COL5A3: variants seen among roughly 807,000 people sequenced by gnomAD.
The protein encoded by COL5A3 is collagen alpha-3(V) chain.
COL5A3 carries 172 observed loss-of-function variants against 250.0 expected under a neutral mutation model. That is an observed-to-expected ratio of 0.69 (90% CI 0.61 to 0.78). The LOEUF is 0.78. Ranked by LOEUF, COL5A3 falls within the 30% of genes least tolerant of loss-of-function variation. The probability of loss-of-function intolerance (pLI) is 0.00; values close to 1 mark genes in which losing one functional copy is unlikely to be tolerated. For missense variants in COL5A3, 2,340 were observed against 2,334.4 expected (o/e 1.00, Z -0.05); for synonymous variants, 937 against 900.4 (o/e 1.04, Z -0.73).
In COL5A3 at chr19:9,992,873, C is replaced by T. The variant is rs146203835; in HGVS notation, c.1802G>A (p.Arg601Gln). 5.6e-6 allele frequency: 9 copies of T among 1,614,104 alleles called. No homozygotes were observed. The highest frequency in any genetic ancestry group is 1.7e-5 in the Admixed American group (1 of 60,018). The change falls in exon 21 of 67, where the codon CGA (arginine) becomes CAA (glutamine). Residue 601 changes from arginine to glutamine, a missense_variant. Coordinates refer to ENST00000264828, the MANE Select transcript of COL5A3 (RefSeq NM_015719.4). The part of the protein sequence containing the change: ...PTGQAGEPGP[R>Q]GLLGPRGSPG... The stretch of plus-strand genomic sequence containing the variant: ...AGAGCCTCTGGGGCCAAGCAGTCCT[C>T]GTGGACCCTGCAAGGGAGCAGGCGA...
chr19:9,995,724 C>G, intron 15 of COL5A3, 107 bp from the exon 16 acceptor site: 1 of 824,020 alleles, frequency 1.2e-6, no homozygotes, highest in Non-Finnish European at 1.9e-6. Flanking sequence ...ATTGCCCAGG[C>G]CAGACACCTG....
chr19:9,970,426 G>GGA (rs1568407855), intron 54 of COL5A3, among the ~76,000 whole-genome samples, 196 bp downstream of exon 54: 11 of 65,362 alleles, frequency 1.7e-4, no homozygotes, highest in South Asian at 5.8e-4. Context: ...GGGGCTGTAA[G>GGA]GTGAGTGGGG....
At chr19:9,967,855 G>T (rs759625366) in intron 61 of COL5A3, 49 bp downstream of exon 61, 4 of 1,579,120 alleles carry the variant, frequency 2.5e-6, no homozygotes, top group Middle Eastern at 1.8e-4. Context: ...TGCAGTGAAG[G>T]GGGTGGGGAG....
chr19:9,983,668 A>G (rs1053456559), intron 31 of COL5A3, among the ~76,000 whole-genome samples: 2 of 145,684 alleles, frequency 1.4e-5, no homozygotes, highest in African/African-American at 5.2e-5. Context: ...AGAAAGAAAG[A>G]AAGAAAAAAG....
chr19:9,969,450 A>T (rs1359211289), intron 56 of COL5A3, 48 bp from the exon 57 acceptor site: 6 of 1,595,950 alleles, frequency 3.8e-6, no homozygotes, highest in Non-Finnish European at 5.1e-6. Flanking sequence ...GTCAGAACAC[A>T]GTGTGGACCC....
At position 9,986,558 on chromosome 19, in the gene COL5A3, C is replaced by G. The variant is rs2087103157; in HGVS notation, c.2239G>C (p.Asp747His). The G allele has an allele frequency of 6.2e-7, 1 of 1,613,918 alleles. No homozygotes were observed. Among genetic ancestry groups the G allele is most frequent in the African/African-American group, 1.3e-5 (1 of 74,862 alleles). Residue 747 changes from aspartate (D) to histidine (H), a missense_variant, in exon 29 of 67, where the codon GAT becomes CAT. Coordinates refer to ENST00000264828, the MANE Select transcript of COL5A3 (RefSeq NM_015719.4). ...TCATCTGGAGCTGGTCTTACCTGAT[C>G]ACCTTTGAGCCCCACATCGCCCTTG... The part of the protein sequence containing the change: ...GFKGDVGLKG[D>H]QGKPGAPGPR...
Position 9,973,036 on chromosome 19 carries a change from A to AAGAGGTC in COL5A3, c.3667-17_3667-11dup, listed in dbSNP as rs2086875468. The AAGAGGTC allele has an allele frequency of 1.3e-6, 2 of 1,598,314 alleles. No individual in the cohort carries two copies. Among genetic ancestry groups the AAGAGGTC allele is most frequent in the Non-Finnish European group, 1.7e-6 (2 of 1,171,474 alleles). Reference sequence around the variant, plus strand: ...TGTCTCCCTTGGGCCCCTTTACAGAAAGAGGTCAGAGGTCAGAGTGGCCTG... The same window carrying AAGAGGTC: ...TGTCTCCCTTGGGCCCCTTTACAGAAAGAGGTCAGAGGTCAGAGGTCAGAGTGGCCTG... On this transcript the variant is annotated splice_polypyrimidine_tract_variant and intron_variant, in intron 50 of 66. Transcript: ENST00000264828.
chr19:9,973,208 G>T (rs2086877319), intron 50 of COL5A3, among the ~76,000 whole-genome samples, 182 bp from the exon 51 acceptor site: 1 of 152,192 alleles, frequency 6.6e-6, no homozygotes, highest in African/African-American at 2.4e-5. Context: ...GAAAGGTCTG[G>T]ATGGTCTAGG....
rs2087199067 is a variant in COL5A3, at chr19:9,991,952, T to G, written c.1893+52A>C. ...TGGAAGGGAATAGGGATGTGGACAA[T>G]CGGGGTCAGAGTGTCAGAAGGGTCA... On this transcript the variant is annotated intron_variant, in intron 22 of 66. Transcript: ENST00000264828. The G allele has an allele frequency of 3.8e-6, 6 of 1,579,932 alleles. No individual in the cohort carries two copies. The Admixed American group carries it at 1.0e-4, about 26-fold the overall frequency.
intron 1 of COL5A3, 78 bp downstream of exon 1, chr19:10,010,220 A>C (rs1323465986): frequency 8.6e-4 from 339 of 394,482 alleles, no homozygotes; most frequent in Middle Eastern, 1.5e-3. Flanking sequence ...ACGCCCCTCC[A>C]CCCCCCTCCA....
Position 9,967,365 on chromosome 19 carries a change from T to C in COL5A3, c.4440A>G (p.Ala1480=). 1 of 1,453,628 alleles carries C rather than the reference T, an allele frequency of 6.9e-7. No individual in the cohort carries two copies. Among genetic ancestry groups the C allele is most frequent in the Non-Finnish European group, 9.0e-7 (1 of 1,109,962 alleles). The allele number at this position is 1,453,628 out of a possible 1,614,324, so 90.0% of individuals were successfully genotyped here. ...SMGPRGDTGP[A]GPPGPPGAPA... ...AACTCACCGGGGGGCCTGGTGGGCC[T>C]GCAGGTCCAGTGTCTCCACGGGGGC... The change falls in exon 62 of 67, where the codon GCA becomes GCG. Residue 1480 remains alanine (A), a synonymous_variant. Transcript: ENST00000264828.
intron 27 of COL5A3, among the ~76,000 whole-genome samples, chr19:9,988,868 G>GA (rs367646534): frequency 0.051 from 6,258 of 122,092 alleles, 188 homozygotes; most frequent in Middle Eastern, 0.086. Context: ...AGAAAGTAAA[G>GA]AAAAGAAAAG....
At chr19:9,993,113 G>T in intron 19 of COL5A3, 46 bp from the exon 20 acceptor site, 1 of 1,597,748 alleles carries the variant, frequency 6.3e-7, no homozygotes, top group Non-Finnish European at 8.6e-7. Context: ...TACAACCCTC[G>T]GAGAGCCACC....
intron 34 of COL5A3, 30 bp from the exon 35 acceptor site, chr19:9,980,722 C>T (rs1568416559): frequency 1.2e-6 from 2 of 1,614,156 alleles, no homozygotes; most frequent in East Asian, 4.5e-5. Context: ...ACTCAGGCCC[C>T]AGAACAAACT....
At chr19:9,974,149 A>G (rs200018537) in intron 47 of COL5A3, 22 bp downstream of exon 47, 4 of 1,609,300 alleles carry the variant, frequency 2.5e-6, no homozygotes, top group East Asian at 2.2e-5. Context: ...TCCCCCTCCC[A>G]CCTTCCTCTG....
At chr19:9,972,826 C>A in intron 51 of COL5A3, 93 bp downstream of exon 51, 2 of 840,164 alleles carry the variant, frequency 2.4e-6, no homozygotes, top group Non-Finnish European at 3.5e-6. Context: ...CAGAGCAAGA[C>A]TCCATCTCAA....
In COL5A3 at chr19:9,966,735, G is replaced by C. The variant is rs778581474; in HGVS notation, c.4470C>G (p.Ala1490=). The change falls in exon 63 of 67, where the codon GCC becomes GCG. Residue 1490 remains alanine, a synonymous_variant. Transcript: ENST00000264828. ...GGCGCCTGCGCAGCCCATGCAGCTC[G>C]GCAGGGGCACCCTGGGCGTAGGGGA... ...AGPPGPPGAP[A]ELHGLRRRRR... The C allele has an allele frequency of 3.8e-5, 59 of 1,535,292 alleles. No individual in the cohort carries two copies. Among genetic ancestry groups the C allele is most frequent in the Non-Finnish European group, 5.1e-5 (59 of 1,146,250 alleles).
In COL5A3 at chr19:9,996,059, G is replaced by A; in HGVS notation, c.1533+7C>T. 1 of 1,570,564 alleles carries A rather than the reference G, an allele frequency of 6.4e-7. No homozygotes were observed. Among genetic ancestry groups the A allele is most frequent in the Non-Finnish European group, 8.6e-7 (1 of 1,159,346 alleles). ...ATCCTATCCTGCCCTATCTCCACAAGTCTCACCTGTGGCCCTTCTGCTCCC... is the reference window on the plus strand; with the variant it reads ...ATCCTATCCTGCCCTATCTCCACAAATCTCACCTGTGGCCCTTCTGCTCCC... On this transcript the variant is annotated splice_region_variant and intron_variant, in intron 15 of 66. Coordinates refer to ENST00000264828, the MANE Select transcript of COL5A3 (RefSeq NM_015719.4).
intron 4 of COL5A3, among the ~76,000 whole-genome samples, 187 bp downstream of exon 4, chr19:10,005,371 T>C (rs1038906475): frequency 1.8e-4 from 27 of 152,116 alleles, no homozygotes; most frequent in African/African-American, 5.3e-4. Context: ...AAAATTATTG[T>C]CTTGTGGCTC....
Sources: allele counts gnomAD v4.1 joint callset (sites outside exome capture counted in the v4.1 genomes callset), GRCh38; gene constraint gnomAD v4.1.1; transcripts MANE v1.5; gene names NCBI Gene and HGNC (gene_info 2026-07-23, HGNC 2026-07-21).